The following PTPRCAP variants were observed in gnomAD, a reference collection of about 807,000 sequenced individuals.
PTPRCAP encodes the protein protein tyrosine phosphatase receptor type C associated protein.
For synonymous variants in PTPRCAP, 136 were observed against 135.8 expected (o/e 1.00, Z -0.01); for missense variants, 294 against 285.5 (o/e 1.03, Z -0.22).
Position 67,436,093 on chromosome 11 carries a change from TGGGGGGCTGGCCCAGAGC to T in PTPRCAP, c.243_260del (p.Leu82_Pro87del). On this transcript the variant is annotated inframe_deletion, in exon 2 of 2. Transcript: ENST00000326294. ...CAGCTCGGGCCTGCAGCCAGCGACC[TGGGGGGCTGGCCCAGAGC>T]AGGCGCCGCGTGCGGCCCCACAGCG... 5 of 1,610,404 alleles carry T rather than the reference TGGGGGGCTGGCCCAGAGC, an allele frequency of 3.1e-6. No homozygotes were observed. The highest frequency in any genetic ancestry group is 4.2e-6 in the Non-Finnish European group (5 of 1,178,732).
At position 67,436,124 on chromosome 11, in the gene PTPRCAP, C is replaced by T. The variant is rs551867399; in HGVS notation, c.230G>A (p.Arg77His). The part of the protein sequence containing the change: ...PARLGAALWG[R>H]TRRLLWASPP... ...GCTGGCCCAGAGCAGGCGCCGCGTGCGGCCCCACAGCGCGGCACCTAGGCG... is the reference window on the plus strand; with the variant it reads ...GCTGGCCCAGAGCAGGCGCCGCGTGTGGCCCCACAGCGCGGCACCTAGGCG... Residue 77 changes from arginine to histidine, a missense_variant, in exon 2 of 2, where the codon CGC becomes CAC. Coordinates refer to ENST00000326294, the MANE Select transcript of PTPRCAP (RefSeq NM_005608.3). 118 of 1,593,356 alleles carry T rather than the reference C, an allele frequency of 7.4e-5. No individual in the cohort carries two copies. The South Asian group carries it at 1.0e-3, about 14-fold the overall frequency.
rs1590982781 is a variant in PTPRCAP, at chr11:67,436,356, G to A, written c.4-6C>T. 2 of 1,450,922 alleles carry A rather than the reference G, an allele frequency of 1.4e-6. No individual in the cohort carries two copies. Among genetic ancestry groups the A allele is most frequent in the African/African-American group, 1.4e-5 (1 of 70,134 alleles). 89.9% of individuals were successfully genotyped at this position (1,450,922 alleles called of 1,614,324 possible). On this transcript the variant is annotated splice_region_variant and splice_polypyrimidine_tract_variant and intron_variant, in intron 1 of 1. Transcript: ENST00000326294. ...CCTAAGGTGCAGGGCAGAGCCTGTG[G>A]GAGACAGGCAGGGGCTCAGAGGGCT...
Position 67,437,210 on chromosome 11 carries a change from G to C in PTPRCAP, c.3+407C>G, listed in dbSNP as rs546965444. On this transcript the variant is annotated intron_variant, in intron 1 of 1. Coordinates refer to ENST00000326294, the MANE Select transcript of PTPRCAP (RefSeq NM_005608.3). Reference sequence around the variant, plus strand: ...GCGTGCAGGGCCGGGGGCTGGGGGGGGCTGGGGGAGGCGGGCGCAGCTGCC... The same window carrying C: ...GCGTGCAGGGCCGGGGGCTGGGGGGCGCTGGGGGAGGCGGGCGCAGCTGCC... The C allele has an allele frequency of 1.4e-4, 24 of 173,814 alleles. No individual in the cohort carries two copies. The East Asian group carries it at 1.7e-3, about 13-fold the overall frequency. 10.8% of individuals were successfully genotyped at this position (173,814 alleles called of 1,614,324 possible).
rs1864255251 is a variant in PTPRCAP at position 67,435,767 on chromosome 11, G to C, written c.587C>G (p.Ala196Gly). 1 of 1,561,500 alleles carries C rather than the reference G, an allele frequency of 6.4e-7. No homozygotes were observed. The highest frequency in any genetic ancestry group is 1.4e-5 in the African/African-American group (1 of 73,842). The change falls in exon 2 of 2, where the codon GCT becomes GGT. Residue 196 changes from alanine (A) to glycine (G), a missense_variant. By Grantham distance (60) the Ala-to-Gly change is moderately conservative. Transcript: ENST00000326294. Reference sequence around the variant, plus strand: ...GGTGACATGGAGGCCCTGGCCCCCAGCTGCCCTGGCGCTGTCATCCCAGGC... The same window carrying C: ...GGTGACATGGAGGCCCTGGCCCCCACCTGCCCTGGCGCTGTCATCCCAGGC... ...SAAWDDSARA[A>G]GGQGLHVTAL
intron 1 of PTPRCAP, 186 bp from the exon 2 acceptor site, chr11:67,436,536 C>A: frequency 3.4e-6 from 2 of 585,478 alleles, no homozygotes; most frequent in Non-Finnish European, 5.4e-6. Flanking sequence ...AGCCCCCATC[C>A]CTCCAGCCTC....
chr11:67,436,511 T>C lies in PTPRCAP; in HGVS notation c.4-161A>G, dbSNP rs888882538. 1.1e-5 allele frequency: 9 copies of C among 824,306 alleles called. No individual in the cohort carries two copies. In the Admixed American group the frequency reaches 2.5e-4, roughly 23 times the overall value. 51.1% of individuals were successfully genotyped at this position (824,306 alleles called of 1,614,324 possible). A position where few individuals can be genotyped will look rare whatever the true frequency, so the allele number is the denominator to read the frequency against. ...AGGCCTTATTTGGTCAACCAGGCTCTGGCCCTGTGAGATCAGCCCCCATCC... is the reference window on the plus strand; with the variant it reads ...AGGCCTTATTTGGTCAACCAGGCTCCGGCCCTGTGAGATCAGCCCCCATCC... On this transcript the variant is annotated intron_variant, in intron 1 of 1. Coordinates refer to ENST00000326294, the MANE Select transcript of PTPRCAP (RefSeq NM_005608.3).
rs1211451158 is a variant in PTPRCAP at position 67,435,861 on chromosome 11, C to T, written c.493G>A (p.Gly165Arg). 1.2e-6 allele frequency: 2 copies of T among 1,610,758 alleles called. No homozygotes were observed. The highest frequency in any genetic ancestry group is 1.7e-5 in the Admixed American group (1 of 59,948). The change falls in exon 2 of 2, where the codon GGA (glycine) becomes AGA (arginine). Residue 165 changes from glycine to arginine, a missense_variant. Physicochemically the swap from Gly to Arg is moderately radical, Grantham distance 125. Coordinates refer to ENST00000326294, the MANE Select transcript of PTPRCAP (RefSeq NM_005608.3). Reference sequence around the variant, plus strand: ...GCACTGCCCCCTGCGCTCGCTGGTCCTGGGGAGCCGAGGACCAGGTCGCCC... The same window carrying T: ...GCACTGCCCCCTGCGCTCGCTGGTCTTGGGGAGCCGAGGACCAGGTCGCCC... ...TEGDLVLGSP[G>R]PASAGGSAEA...
At chr11:67,437,289 C>T (rs1864306942) in intron 1 of PTPRCAP, 1 of 299,042 alleles carries the variant, frequency 3.3e-6, no homozygotes, top group Non-Finnish European at 6.1e-6. Flanking sequence ...GGGAGGGGTG[C>T]TGAGGTGCAG....
Position 67,436,179 on chromosome 11 carries a change from G to A in PTPRCAP, c.175C>T (p.Arg59Cys), listed in dbSNP as rs780094269. ...GLALAWRRLSRDSGGYYHPAR... is the reference protein window; with the variant it reads ...GLALAWRRLSCDSGGYYHPAR... Reference sequence around the variant, plus strand: ...GGGTGGTAGTAGCCCCCTGAGTCACGGCTGAGGCGGCGCCAGGCCAGTGCT... The same window carrying A: ...GGGTGGTAGTAGCCCCCTGAGTCACAGCTGAGGCGGCGCCAGGCCAGTGCT... The change falls in exon 2 of 2, where the codon CGT becomes TGT. Residue 59 changes from arginine to cysteine, a missense_variant. Transcript: ENST00000326294. 39 of 1,556,568 alleles carry A rather than the reference G, an allele frequency of 2.5e-5. No individual in the cohort carries two copies. The highest frequency in any genetic ancestry group is 1.9e-4 in the African/African-American group (14 of 73,680).
chr11:67,436,094 G>T lies in PTPRCAP; in HGVS notation c.260C>A (p.Pro87Gln). Residue 87 changes from proline (P) to glutamine (Q), a missense_variant, in exon 2 of 2, where the codon CCA becomes CAA. By Grantham distance (76) the Pro-to-Gln change is moderately conservative (BLOSUM62 -1). Transcript: ENST00000326294. ...RTRRLLWASP[P>Q]GRWLQARAEL... is the part of the protein sequence containing the mutation. Reference sequence around the variant, plus strand: ...AGCTCGGGCCTGCAGCCAGCGACCTGGGGGGCTGGCCCAGAGCAGGCGCCG... The same window carrying T: ...AGCTCGGGCCTGCAGCCAGCGACCTTGGGGGCTGGCCCAGAGCAGGCGCCG... 1 of 1,610,220 alleles carries T rather than the reference G, an allele frequency of 6.2e-7. No individual in the cohort carries two copies. The highest frequency in any genetic ancestry group is 8.5e-7 in the Non-Finnish European group (1 of 1,178,626).
chr11:67,437,429 G>A, intron 1 of PTPRCAP, 188 bp downstream of exon 1: 2 of 572,500 alleles, frequency 3.5e-6, no homozygotes, highest in African/African-American at 1.9e-5. Context: ...GGTGCTGGGG[G>A]CCAGGCCTGG....
At chr11:67,436,418 G>C in intron 1 of PTPRCAP, 68 bp from the exon 2 acceptor site, 1 of 1,414,468 alleles carries the variant, frequency 7.1e-7, no homozygotes, top group Non-Finnish European at 9.2e-7. Flanking sequence ...GGGCAGGCTG[G>C]GTGACCAAGA....
At position 67,435,775 on chromosome 11, in the gene PTPRCAP, G is replaced by GGCGCTGTCATCCCAGGCT; in HGVS notation, c.561_578dup (p.Ala188_Ala193dup). 6.4e-7 allele frequency: 1 copy of GGCGCTGTCATCCCAGGCT among 1,573,318 alleles called. No homozygotes were observed. Among genetic ancestry groups the GGCGCTGTCATCCCAGGCT allele is most frequent in the Non-Finnish European group, 8.6e-7 (1 of 1,160,052 alleles). On this transcript the variant is annotated inframe_insertion, in exon 2 of 2. Transcript: ENST00000326294. The stretch of plus-strand genomic sequence containing the variant: ...GGAGGCCCTGGCCCCCAGCTGCCCT[G>GGCGCTGTCATCCCAGGCT]GCGCTGTCATCCCAGGCTGCGCTGC...
rs1239154044 is a variant in PTPRCAP at position 67,436,234 on chromosome 11, C to T, written c.120G>A (p.Leu40=). 1 of 1,546,758 alleles carries T rather than the reference C, an allele frequency of 6.5e-7. No individual in the cohort carries two copies. The highest frequency in any genetic ancestry group is 2.4e-5 in the East Asian group (1 of 41,130). Residue 40 remains leucine, a synonymous_variant, in exon 2 of 2, where the codon CTG becomes CTA. Coordinates refer to ENST00000326294, the MANE Select transcript of PTPRCAP (RefSeq NM_005608.3). ...CAGTGGCCAGCAGTAGGAGCAGCAG[C>T]AGCAGCAGGACAACGGTGACAGAGC... ...GSSSVTVVLL[L]LLLLLLATGL...
At position 67,435,788 on chromosome 11, in the gene PTPRCAP, C is replaced by G; in HGVS notation, c.566G>C (p.Trp189Ser). The change falls in exon 2 of 2, where the codon TGG becomes TCG. Residue 189 changes from tryptophan (W) to serine (S), a missense_variant. Physicochemically the swap from Trp to Ser is radical, Grantham distance 177. Coordinates refer to ENST00000326294, the MANE Select transcript of PTPRCAP (RefSeq NM_005608.3). The stretch of plus-strand genomic sequence containing the variant: ...CCCAGCTGCCCTGGCGCTGTCATCC[C>G]AGGCTGCGCTGCCAGCAAAGGCGTG... Reference protein sequence around the residue: ...DLHAFAGSAAWDDSARAAGGQ... With the variant: ...DLHAFAGSAASDDSARAAGGQ... The G allele has an allele frequency of 6.3e-7, 1 of 1,585,504 alleles. No individual in the cohort carries two copies. The highest frequency in any genetic ancestry group is 8.6e-7 in the Non-Finnish European group (1 of 1,166,034).
intron 1 of PTPRCAP, chr11:67,436,603 G>T (rs141833894): frequency 2.2e-5 from 9 of 411,264 alleles, no homozygotes; most frequent in African/African-American, 1.7e-4. Flanking sequence ...TGGGGCCTTC[G>T]CACTGGCTGT....
At position 67,437,641 on chromosome 11, in the gene PTPRCAP, C is replaced by A; in HGVS notation, c.-22G>T. The A allele has an allele frequency of 7.3e-7, 1 of 1,365,484 alleles. No individual in the cohort carries two copies. Among genetic ancestry groups the A allele is most frequent in the Non-Finnish European group, 9.5e-7 (1 of 1,050,726 alleles). 84.6% of individuals were successfully genotyped at this position (1,365,484 alleles called of 1,614,324 possible). On this transcript the variant is annotated 5_prime_UTR_variant, in exon 1 of 2. Coordinates refer to ENST00000326294, the MANE Select transcript of PTPRCAP (RefSeq NM_005608.3). ...CCATTGGTCCGCAGGCCCCTCCGTG[C>A]CGGGCACCCACCTCCAGCTCTGGCT... is the stretch of plus-strand genomic sequence containing the variant.
Position 67,436,343 on chromosome 11 carries a change from G to C in PTPRCAP, c.11C>G (p.Pro4Arg). The change falls in exon 2 of 2, where the codon CCC becomes CGC. Residue 4 changes from proline to arginine, a missense_variant. Physicochemically the swap from Pro to Arg is moderately radical, Grantham distance 103. Coordinates refer to ENST00000326294, the MANE Select transcript of PTPRCAP (RefSeq NM_005608.3). MAL[P>R]CTLGLGMLLA... ...CAGCATCCCGAGCCCTAAGGTGCAG[G>C]GCAGAGCCTGTGGGAGACAGGCAGG... 6.8e-7 allele frequency: 1 copy of C among 1,468,528 alleles called. No individual in the cohort carries two copies. Among genetic ancestry groups the C allele is most frequent in the African/African-American group, 1.4e-5 (1 of 70,898 alleles). 91.0% of individuals were successfully genotyped at this position (1,468,528 alleles called of 1,614,324 possible). A position where few individuals can be genotyped will look rare whatever the true frequency, so the allele number is the denominator to read the frequency against.
At chr11:67,436,663 C>T (rs1250167152) in intron 1 of PTPRCAP, 4 of 310,960 alleles carry the variant, frequency 1.3e-5, no homozygotes, top group African/African-American at 2.2e-5. Context: ...CTCCCCCGGG[C>T]TGCATGGCCT....
Sources: allele counts gnomAD v4.1 joint callset, GRCh38; gene constraint gnomAD v4.1.1; transcripts MANE v1.5; gene names NCBI Gene and HGNC (gene_info 2026-07-23, HGNC 2026-07-21).